PTPRU: variants seen among roughly 807,000 people sequenced by gnomAD.
The protein encoded by PTPRU is receptor-type tyrosine-protein phosphatase U.
A neutral mutation model predicts 166.3 loss-of-function variants in PTPRU; 69 were observed. The observed-to-expected ratio is 0.41, with a 90% CI of 0.34 to 0.51. The LOEUF (loss-of-function observed/expected upper bound fraction) is 0.51. Among genes scored for constraint, PTPRU ranks in the 20% least tolerant of loss-of-function variants. The pLI is 0.09. For synonymous variants in PTPRU, 793 were observed against 814.0 expected (o/e 0.97, Z 0.44); for missense variants, 1,657 against 2,013.7 (o/e 0.82, Z 3.39).
chr1:29,300,256 C>T (rs1687078733), intron 15 of PTPRU, among the ~76,000 whole-genome samples: 1 of 152,142 alleles, frequency 6.6e-6, no homozygotes, highest in Non-Finnish European at 1.5e-5. Flanking sequence ...CAGTGTTCTC[C>T]TGAGGATGTT....
chr1:29,321,084 C>T (rs1173341095), intron 26 of PTPRU, among the ~76,000 whole-genome samples: 8 of 152,082 alleles, frequency 5.3e-5, no homozygotes, highest in African/African-American at 1.7e-4. Context: ...AGTGCAGTGG[C>T]GCGATCACAG....
At chr1:29,286,105 C>A (rs1686333651) in intron 14 of PTPRU, among the ~76,000 whole-genome samples, 4 of 152,170 alleles carry the variant, frequency 2.6e-5, no homozygotes, top group Admixed American at 2.0e-4. Flanking sequence ...GCTGGGGCCA[C>A]CTTGCCTGAG....
chr1:29,294,323 T>C (rs1393169957), intron 15 of PTPRU, among the ~76,000 whole-genome samples: 3 of 152,250 alleles, frequency 2.0e-5, no homozygotes, highest in Non-Finnish European at 4.4e-5. Context: ...TGATGACTAA[T>C]GAAGTTGAAC....
intron 11 of PTPRU, among the ~76,000 whole-genome samples, chr1:29,282,306 G>C (rs1686114648): frequency 6.6e-6 from 1 of 152,200 alleles, no homozygotes; most frequent in Non-Finnish European, 1.5e-5. Flanking sequence ...CCCAGGTCTT[G>C]TGTCACACAC....
In PTPRU at chr1:29,323,477, G is replaced by A. The variant is rs1447339415; in HGVS notation, c.3935G>A (p.Arg1312Gln). The A allele has an allele frequency of 7.5e-6, 12 of 1,605,650 alleles. No homozygotes were observed. The highest frequency in any genetic ancestry group is 1.0e-5 in the Non-Finnish European group (12 of 1,176,454). ...ADEDLVARVF[R>Q]VQNISRLQEG... ...GAAGACTTAGTGGCTCGAGTCTTCC[G>A]GGTGCAGAACATCTCTCGGGTGAGT... is the stretch of plus-strand genomic sequence containing the variant. Residue 1312 changes from arginine (R) to glutamine (Q), a missense_variant, in exon 27 of 30, where the codon CGG becomes CAG. By Grantham distance (43) the Arg-to-Gln change is conservative. Coordinates refer to ENST00000373779, the MANE Select transcript of PTPRU (RefSeq NM_133178.4).
chr1:29,303,977 G>A lies in PTPRU; in HGVS notation c.2599G>A (p.Ala867Thr), dbSNP rs145708690. ...TGQLHPAVRV[A>T]DLLQHINQMK... ...GCAGCTGCACCCTGCGGTGCGTGTC[G>A]CAGACCTTCTGCAGCACATCAACCA... The change falls in exon 16 of 30, where the codon GCA (alanine) becomes ACA (threonine). Residue 867 changes from alanine (A) to threonine (T), a missense_variant. Physicochemically the swap from Ala to Thr is moderately conservative, Grantham distance 58. This residue lies in a region of PTPRU where 1,190 missense variants were observed against 1,477.4 expected (regional missense o/e 0.81). Coordinates refer to ENST00000373779, the MANE Select transcript of PTPRU (RefSeq NM_133178.4). 1.1e-4 allele frequency: 175 copies of A among 1,613,446 alleles called. No individual in the cohort carries two copies. The highest frequency in any genetic ancestry group is 1.4e-4 in the Non-Finnish European group (163 of 1,179,742).
rs760439143 is a variant in PTPRU, at chr1:29,260,726, G to A, written c.967G>A (p.Glu323Lys). The A allele has an allele frequency of 4.4e-6, 7 of 1,608,428 alleles. No individual in the cohort carries two copies. Among genetic ancestry groups the A allele is most frequent in the Non-Finnish European group, 5.9e-6 (7 of 1,177,352 alleles). The change falls in exon 7 of 30, where the codon GAG becomes AAG. Residue 323 changes from glutamate to lysine, a missense_variant. By Grantham distance (56) the Glu-to-Lys change is moderately conservative. Coordinates refer to ENST00000373779, the MANE Select transcript of PTPRU (RefSeq NM_133178.4). This position sits in a 1 kb window ranked among gnomAD's most constrained non-coding sequence, Gnocchi z 8.3. ...CGGGCCGATCGTGCGCAAGGAGATT[G>A]AGTACCGCATGGCGCGCGGGCCCTG... ...GDGPIVRKEI[E>K]YRMARGPWAE...
At position 29,312,569 on chromosome 1, in the gene PTPRU, G is replaced by A. The variant is rs766621505; in HGVS notation, c.3090G>A (p.Arg1030=). The A allele has an allele frequency of 1.3e-6, 2 of 1,592,750 alleles. No homozygotes were observed. Among genetic ancestry groups the A allele is most frequent in the Admixed American group, 3.4e-5 (2 of 59,584 alleles). ...FALERRGYSA[R]HEVRQFHFTA... ...CTCCCCAGAGAGGCTACTCTGCCCG[G>A]CACGAGGTCCGCCAGTTCCACTTCA... is the stretch of plus-strand genomic sequence containing the variant. Residue 1030 remains arginine (R), a synonymous_variant, in exon 22 of 30, where the codon CGG becomes CGA. Coordinates refer to ENST00000373779, the MANE Select transcript of PTPRU (RefSeq NM_133178.4).
chr1:29,290,605 T>C (rs1686583784), intron 14 of PTPRU, among the ~76,000 whole-genome samples: 2 of 152,224 alleles, frequency 1.3e-5, no homozygotes. Context: ...TCCTCCTCCC[T>C]GGACAGCTCC....
intron 7 of PTPRU, among the ~76,000 whole-genome samples, chr1:29,261,887 T>TA (rs1222539382): frequency 1.3e-5 from 2 of 151,980 alleles, no homozygotes; most frequent in African/African-American, 2.4e-5. Context: ...CATGCAGTTG[T>TA]AAAAAAAATA....
Position 29,310,696 on chromosome 1 carries a change from G to C in PTPRU, c.2821-48G>C, listed in dbSNP as rs767293730. The stretch of plus-strand genomic sequence containing the variant: ...GAGGGTAGAGGAGGTGTGGGGGAGT[G>C]AGGGGCTACTCCCTGGGGTCTAACC... On this transcript the variant is annotated intron_variant, in intron 18 of 29. Coordinates refer to ENST00000373779, the MANE Select transcript of PTPRU (RefSeq NM_133178.4). 49 of 1,574,502 alleles carry C rather than the reference G, an allele frequency of 3.1e-5. 1 individual carries two copies.
Position 29,237,113 on chromosome 1 carries a change from C to T in PTPRU, c.73+396C>T, listed in dbSNP as rs1310687920. ...GTTGCATTTGTTTGCATTTTGTATG[C>T]CTGGCCGGGAGTGCTGTTTGTTTTG... On this transcript the variant is annotated intron_variant, in intron 1 of 29. Coordinates refer to ENST00000373779, the MANE Select transcript of PTPRU (RefSeq NM_133178.4). This position sits in a 1 kb window ranked among gnomAD's most constrained non-coding sequence, Gnocchi z 6.4. Among the ~76,000 whole-genome samples the T allele has an allele frequency of 6.6e-6, 1 of 152,002 alleles. No homozygotes were observed. Among genetic ancestry groups the T allele is most frequent in the African/African-American group, 2.4e-5 (1 of 41,362 alleles).
chr1:29,259,890 G>T lies in PTPRU; in HGVS notation c.696G>T (p.Val232=). 2 of 1,531,570 alleles carry T rather than the reference G, an allele frequency of 1.3e-6. No homozygotes were observed. Among genetic ancestry groups the T allele is most frequent in the Non-Finnish European group, 1.7e-6 (2 of 1,145,438 alleles). 94.9% of individuals were successfully genotyped at this position (1,531,570 alleles called of 1,614,324 possible). ...FLLQRQSGAL[V]PAAGVRHISH... ...TGCAGCGGCAGAGCGGGGCGCTGGTGCCGGCGGCGGGCGTGCGGCACATCA... is the reference window on the plus strand; with the variant it reads ...TGCAGCGGCAGAGCGGGGCGCTGGTTCCGGCGGCGGGCGTGCGGCACATCA... Residue 232 remains valine, a synonymous_variant, in exon 6 of 30, where the codon GTG becomes GTT. Coordinates refer to ENST00000373779, the MANE Select transcript of PTPRU (RefSeq NM_133178.4).
At chr1:29,249,130 G>A (rs1014913433) in intron 1 of PTPRU, among the ~76,000 whole-genome samples, 4 of 151,890 alleles carry the variant, frequency 2.6e-5, no homozygotes, top group Admixed American at 2.6e-4. Flanking sequence ...AGGCTGTCCT[G>A]TCATCTTAGA....
At chr1:29,247,066 C>G (rs970003193) in intron 1 of PTPRU, among the ~76,000 whole-genome samples, 22 of 152,256 alleles carry the variant, frequency 1.4e-4, no homozygotes, top group African/African-American at 5.1e-4. Flanking sequence ...CTCACTGCCC[C>G]TTTCCCATCC....
chr1:29,312,572 C>T lies in PTPRU; in HGVS notation c.3093C>T (p.His1031=), dbSNP rs139230218. 136 of 1,595,436 alleles carry T rather than the reference C, an allele frequency of 8.5e-5. 1 individual carries two copies. Among genetic ancestry groups the T allele is most frequent in the Non-Finnish European group, 1.1e-4 (133 of 1,165,420 alleles). The change falls in exon 22 of 30, where the codon CAC becomes CAT. Residue 1031 remains histidine, a synonymous_variant. Transcript: ENST00000373779. The stretch of plus-strand genomic sequence containing the variant: ...CCCAGAGAGGCTACTCTGCCCGGCA[C>T]GAGGTCCGCCAGTTCCACTTCACAG... ...ALERRGYSAR[H]EVRQFHFTAW... is the part of the protein sequence containing the mutation.
At chr1:29,246,454 G>T in intron 1 of PTPRU, among the ~76,000 whole-genome samples, 1 of 152,128 alleles carries the variant, frequency 6.6e-6, no homozygotes, top group African/African-American at 2.4e-5. Context: ...GTTTGCAAAG[G>T]CAGCACCACT....
At chr1:29,259,783 G>A in intron 5 of PTPRU, 87 bp from the exon 6 acceptor site, 1 of 1,412,508 alleles carries the variant, frequency 7.1e-7, no homozygotes, top group Admixed American at 2.4e-5. Context: ...CGGTGTAGTA[G>A]GGACGGCTAA....
chr1:29,270,438 C>T (rs1183717620), intron 7 of PTPRU, among the ~76,000 whole-genome samples: 2 of 152,134 alleles, frequency 1.3e-5, no homozygotes, highest in East Asian at 3.9e-4. Context: ...TCCCAAGTAG[C>T]TGGGACTACA....
Sources: allele counts gnomAD v4.1 joint callset (sites outside exome capture counted in the v4.1 genomes callset), GRCh38; gene constraint gnomAD v4.1.1; regional missense constraint gnomAD v4.1.1; non-coding constraint Gnocchi (gnomAD v3.1); transcripts MANE v1.5; gene names NCBI Gene and HGNC (gene_info 2026-07-23, HGNC 2026-07-21).